The following PRKCH variants were observed in gnomAD, a reference collection of about 807,000 sequenced individuals.
PRKCH encodes the protein protein kinase C eta type.
Under a neutral mutation model 82.5 loss-of-function variants are expected in PRKCH, and 28 were observed. The observed-to-expected ratio is 0.34, with a 90% confidence interval of 0.25 to 0.47. The LOEUF (loss-of-function observed/expected upper bound fraction) is 0.47. PRKCH is among the 20% of genes least tolerant of loss of function. The pLI is 1.00. For synonymous variants in PRKCH, 322 were observed against 327.4 expected, an observed-to-expected ratio of 0.98 and a Z score of 0.18; for missense variants, 705 against 881.8, an observed-to-expected ratio of 0.80 and a Z score of 2.54.
At chr14:61,418,722 G>T (rs4605077) in intron 2 of PRKCH, among the ~76,000 whole-genome samples, 1 of 152,018 alleles carries the variant, frequency 6.6e-6, no homozygotes, top group East Asian at 1.9e-4. Context: ...AACAGCAATG[G>T]TTGAAAAGCC....
chr14:61,282,126 G>A (rs2045275853), intron 1 of PRKCH, among the ~76,000 whole-genome samples: 1 of 152,042 alleles, frequency 6.6e-6, no homozygotes, highest in South Asian at 2.1e-4. Context: ...ACTAGAGAAA[G>A]GCCCAATCCA....
intron 1 of PRKCH, among the ~76,000 whole-genome samples, chr14:61,309,514 C>T (rs928702529): frequency 1.3e-5 from 2 of 152,194 alleles, no homozygotes; most frequent in Non-Finnish European, 2.9e-5. Flanking sequence ...TTCAGTTTCT[C>T]ATTTAATTCT....
chr14:61,352,396 C>T (rs1865789811), intron 1 of PRKCH, among the ~76,000 whole-genome samples: 2 of 152,048 alleles, frequency 1.3e-5, no homozygotes, highest in Non-Finnish European at 2.9e-5. Context: ...GGCGTGGTGG[C>T]TCATGCCTGT....
At chr14:61,403,813 C>T (rs1378359959) in intron 2 of PRKCH, among the ~76,000 whole-genome samples, 2 of 151,962 alleles carry the variant, frequency 1.3e-5, no homozygotes, top group African/African-American at 4.8e-5. Flanking sequence ...GAGGCTGACT[C>T]GTTTGTTAAT....
At chr14:61,323,389 T>G (rs1309816423) in intron 1 of PRKCH, among the ~76,000 whole-genome samples, 1 of 152,158 alleles carries the variant, frequency 6.6e-6, no homozygotes, top group Non-Finnish European at 1.5e-5. Flanking sequence ...GTTCCCACTT[T>G]GAGATGATGG....
chr14:61,190,478 A>T (rs2044399749), intron 1 of PRKCH, among the ~76,000 whole-genome samples: 1 of 152,218 alleles, frequency 6.6e-6, no homozygotes, highest in Non-Finnish European at 1.5e-5. Flanking sequence ...GTCTTTTAAA[A>T]GCAAAAATTC....
intron 1 of PRKCH, among the ~76,000 whole-genome samples, chr14:61,308,581 T>C (rs2045498906): frequency 6.6e-6 from 1 of 152,214 alleles, no homozygotes; most frequent in Non-Finnish European, 1.5e-5. Context: ...CTACTTGTGT[T>C]ATTTTTCAAG....
At chr14:61,457,059 CT>C in intron 7 of PRKCH, 116 bp from the exon 8 acceptor site, 1 of 1,134,692 alleles carries the variant, frequency 8.8e-7, no homozygotes, top group Non-Finnish European at 1.2e-6. Flanking sequence ...CTGAGTTGAT[CT>C]TTCCCCCACG....
At chr14:61,418,903 T>G (rs1052771510) in intron 2 of PRKCH, among the ~76,000 whole-genome samples, 4 of 152,230 alleles carry the variant, frequency 2.6e-5, no homozygotes, top group Non-Finnish European at 4.4e-5. Flanking sequence ...TCTGGCTCTT[T>G]GCCTGACTGA....
intron 1 of PRKCH, among the ~76,000 whole-genome samples, chr14:61,260,478 T>G (rs747335598): frequency 6.6e-6 from 1 of 152,180 alleles, no homozygotes; most frequent in Admixed American, 6.5e-5. Flanking sequence ...TATCATATGT[T>G]TATTGGAAGC....
chr14:61,242,016 T>C (rs986184640), intron 1 of PRKCH, among the ~76,000 whole-genome samples: 4 of 152,094 alleles, frequency 2.6e-5, no homozygotes, highest in Non-Finnish European at 5.9e-5. Flanking sequence ...GGGAATCTAA[T>C]ACCAAAGTTC....
intron 1 of PRKCH, among the ~76,000 whole-genome samples, chr14:61,352,596 G>A (rs2046092250): frequency 6.6e-6 from 1 of 151,492 alleles, no homozygotes; most frequent in Non-Finnish European, 1.5e-5. Flanking sequence ...CCTGGGAGGT[G>A]GAGGTTGTAG....
At chr14:61,226,118 C>T (rs751852524) in intron 1 of PRKCH, among the ~76,000 whole-genome samples, 1 of 152,176 alleles carries the variant, frequency 6.6e-6, no homozygotes, top group Non-Finnish European at 1.5e-5. Flanking sequence ...TAAGTTATAG[C>T]ACAGTCTTAA....
At chr14:61,472,603 T>A (rs1364205579) in intron 9 of PRKCH, among the ~76,000 whole-genome samples, 3 of 152,174 alleles carry the variant, frequency 2.0e-5, no homozygotes, top group African/African-American at 7.2e-5. Context: ...TACCAGAGGA[T>A]TGCTTGAGCC....
chr14:61,294,049 C>T (rs183859909), intron 1 of PRKCH, among the ~76,000 whole-genome samples: 47 of 152,330 alleles, frequency 3.1e-4, no homozygotes, highest in South Asian at 1.9e-3. Context: ...TCAGGTGGAA[C>T]GCTCTCCACT....
chr14:61,319,740 T>C (rs925476254), upstream of PRKCH, among the ~76,000 whole-genome samples: 1 of 152,160 alleles, frequency 6.6e-6, no homozygotes, highest in Non-Finnish European at 1.5e-5. Flanking sequence ...CATCTTCCCC[T>C]GGAGCACTAA....
chr14:61,255,100 C>T (rs1189954832), intron 1 of PRKCH, among the ~76,000 whole-genome samples: 1 of 152,190 alleles, frequency 6.6e-6, no homozygotes, highest in Non-Finnish European at 1.5e-5. Flanking sequence ...AGGATTAGGG[C>T]TGGAGTTGTG....
At chr14:61,401,306 C>G (rs539700788) in intron 2 of PRKCH, among the ~76,000 whole-genome samples, 3 of 152,290 alleles carry the variant, frequency 2.0e-5, no homozygotes, top group African/African-American at 7.2e-5. Flanking sequence ...TATGATAGCT[C>G]TATTTGCCTT....
intron 10 of PRKCH, among the ~76,000 whole-genome samples, chr14:61,514,415 G>C (rs941769029): frequency 8.6e-5 from 13 of 151,854 alleles, no homozygotes; most frequent in Non-Finnish European, 1.5e-4. Flanking sequence ...CTTGGAATCA[G>C]TTTGGTTCTA....
Sources: gnomAD v4.1 joint callset for allele counts (sites outside exome capture counted in the v4.1 genomes callset) on GRCh38, gnomAD v4.1.1 for gene constraint, MANE v1.5 for transcripts, NCBI Gene and HGNC (gene_info 2026-07-23, HGNC 2026-07-21) for gene names.